KCNIP4: variants seen among roughly 807,000 people sequenced by gnomAD.
KCNIP4 encodes the protein Kv channel-interacting protein 4.
Under a neutral mutation model 34.0 loss-of-function variants are expected in KCNIP4, and 12 were observed. That is an observed-to-expected ratio of 0.35 (90% CI 0.23 to 0.57). KCNIP4 has a LOEUF of 0.57. KCNIP4 is among the 20% of genes least tolerant of loss of function. The pLI, the probability that KCNIP4 is intolerant of heterozygous loss-of-function variation, is 0.83. For synonymous variants in KCNIP4, 124 were observed against 102.2 expected (o/e 1.21, Z -1.29); for missense variants, 238 against 311.7 (o/e 0.76, Z 1.78).
chr4:21,422,515 C>G (rs897278772), intron 1 of KCNIP4, among the ~76,000 whole-genome samples: 1 of 151,896 alleles, frequency 6.6e-6, no homozygotes, highest in Admixed American at 6.6e-5. Flanking sequence ...ACCTTTTTAA[C>G]AAGCCATAGG....
intron 2 of KCNIP4, among the ~76,000 whole-genome samples, chr4:20,871,716 C>T (rs183776786): frequency 6.6e-6 from 1 of 152,240 alleles, no homozygotes; most frequent in Admixed American, 6.5e-5. Flanking sequence ...TTCTTCATGT[C>T]TTCAAACATT....
At chr4:21,837,891 A>C (rs116053340) in intron 1 of KCNIP4, among the ~76,000 whole-genome samples, 1,673 of 152,284 alleles carry the variant, frequency 0.011, 35 homozygotes, top group African/African-American at 0.038. Context: ...ATAATGCCTT[A>C]ATTTATTTTG....
intron 1 of KCNIP4, among the ~76,000 whole-genome samples, chr4:21,748,517 CACA>C (rs1716931304): frequency 6.6e-6 from 1 of 152,148 alleles, no homozygotes; most frequent in Non-Finnish European, 1.5e-5. Flanking sequence ...AAAATATTTA[CACA>C]ACAAGTACAT....
intron 4 of KCNIP4, among the ~76,000 whole-genome samples, chr4:20,752,267 C>G (rs1439360613): frequency 3.3e-5 from 5 of 152,008 alleles, no homozygotes; most frequent in Non-Finnish European, 5.9e-5. Context: ...TCACGTTGGC[C>G]AGACTGGTCT....
chr4:21,206,848 A>G (rs1756884894), intron 1 of KCNIP4, among the ~76,000 whole-genome samples: 1 of 152,232 alleles, frequency 6.6e-6, no homozygotes, highest in African/African-American at 2.4e-5. Flanking sequence ...AGGTGGAGCC[A>G]GAATTCAATC....
intron 6 of KCNIP4, among the ~76,000 whole-genome samples, chr4:20,733,900 C>T (rs1001376118): frequency 6.6e-6 from 1 of 152,116 alleles, no homozygotes; most frequent in South Asian, 2.1e-4. Context: ...CTGTGTCTCT[C>T]CAGTAGCGCA....
intron 1 of KCNIP4, among the ~76,000 whole-genome samples, chr4:21,137,085 G>T (rs1751555035): frequency 6.7e-6 from 1 of 150,136 alleles, no homozygotes; most frequent in African/African-American, 2.5e-5. Context: ...TTTCTGTCCT[G>T]TCGTCTTGGC....
chr4:21,486,243 A>C, intron 1 of KCNIP4, among the ~76,000 whole-genome samples: 1 of 152,022 alleles, frequency 6.6e-6, no homozygotes, highest in East Asian at 1.9e-4. Flanking sequence ...TTTTTCAGTG[A>C]ATTGTTCAGT....
intron 1 of KCNIP4, among the ~76,000 whole-genome samples, chr4:21,691,026 T>C (rs10011822): frequency 0.084 from 12,848 of 152,204 alleles, 1,500 homozygotes; most frequent in African/African-American, 0.27. Context: ...CAGATATGAT[T>C]AGCTTGCTCA....
chr4:21,434,771 G>GAA (rs59106181), intron 1 of KCNIP4, among the ~76,000 whole-genome samples: 3 of 128,768 alleles, frequency 2.3e-5, no homozygotes, highest in Middle Eastern at 3.8e-3. Flanking sequence ...TCTGTGGGGG[G>GAA]AAAAAAAAAA....
chr4:21,723,080 A>G (rs1342414839), intron 1 of KCNIP4, among the ~76,000 whole-genome samples: 1 of 152,108 alleles, frequency 6.6e-6, no homozygotes, highest in Non-Finnish European at 1.5e-5. Context: ...ACAATATAGA[A>G]AGATCTAATG....
At chr4:21,680,370 A>G (rs1750251011) in intron 1 of KCNIP4, among the ~76,000 whole-genome samples, 2 of 152,146 alleles carry the variant, frequency 1.3e-5, no homozygotes, top group Admixed American at 1.3e-4. Context: ...TTTCCATCAC[A>G]TCTCCAGCAA....
chr4:20,886,165 C>A (rs1157000687), intron 1 of KCNIP4, among the ~76,000 whole-genome samples: 1 of 152,172 alleles, frequency 6.6e-6, no homozygotes, highest in African/African-American at 2.4e-5. Flanking sequence ...AACCATATAA[C>A]TGGACAAGCT....
chr4:21,307,136 G>C (rs566356431), intron 1 of KCNIP4, among the ~76,000 whole-genome samples: 1 of 152,260 alleles, frequency 6.6e-6, no homozygotes, highest in East Asian at 1.9e-4. Flanking sequence ...TGCCGGGCCG[G>C]CAGGAACTAT....
intron 1 of KCNIP4, among the ~76,000 whole-genome samples, chr4:21,630,195 G>A (rs868299289): frequency 8.6e-5 from 13 of 151,584 alleles, no homozygotes; most frequent in Middle Eastern, 3.4e-3. Context: ...CCTTCAGCGC[G>A]GTGGCTCATG....
chr4:21,361,850 T>C (rs1719260630), intron 1 of KCNIP4, among the ~76,000 whole-genome samples: 1 of 152,134 alleles, frequency 6.6e-6, no homozygotes, highest in Admixed American at 6.6e-5. Flanking sequence ...AAAGAGTTCA[T>C]ATTTGTAACT....
intron 1 of KCNIP4, among the ~76,000 whole-genome samples, chr4:21,231,411 C>T (rs1758779455): frequency 6.6e-6 from 1 of 152,048 alleles, no homozygotes; most frequent in African/African-American, 2.4e-5. Context: ...AAATTGTACC[C>T]AAGGTGCTAT....
intron 1 of KCNIP4, among the ~76,000 whole-genome samples, chr4:21,610,304 C>A (rs945196149): frequency 6.6e-6 from 1 of 152,188 alleles, no homozygotes. Flanking sequence ...CTATTCTAGA[C>A]CTTTCTCCTT....
chr4:20,802,716 T>G (rs1714487826), intron 3 of KCNIP4, among the ~76,000 whole-genome samples: 1 of 152,180 alleles, frequency 6.6e-6, no homozygotes, highest in African/African-American at 2.4e-5. Flanking sequence ...AAAACGTTGT[T>G]GTGGAAATTA....
Sources: gnomAD v4.1 joint callset for allele counts (sites outside exome capture counted in the v4.1 genomes callset) on GRCh38, gnomAD v4.1.1 for gene constraint, MANE v1.5 for transcripts, NCBI Gene and HGNC (gene_info 2026-07-23, HGNC 2026-07-21) for gene names.